Variants in TMEM232 observed in about 807,000 individuals in gnomAD.
TMEM232 encodes transmembrane protein 232.
Under a neutral mutation model 78.8 loss-of-function variants are expected in TMEM232, and 80 were observed. The ratio of observed to expected loss-of-function variants is 1.01; its 90% CI spans 0.85 to 1.22. The LOEUF is 1.22. Ranked by LOEUF, TMEM232 falls within the 50% of genes most tolerant of loss-of-function variation. TMEM232 has a pLI of 0.00. For synonymous variants in TMEM232, 297 were observed against 254.3 expected (o/e 1.17, Z -1.60); for missense variants, 881 against 742.2 (o/e 1.19, Z -2.17).
At position 110,596,044 on chromosome 5, in the gene TMEM232, C is replaced by T. The variant is rs530477508; in HGVS notation, c.1276+9065G>A. Among the ~76,000 whole-genome samples, 73 of 152,186 alleles carry T rather than the reference C, an allele frequency of 4.8e-4. 1 individual carries two copies. Among genetic ancestry groups the T allele is most frequent in the African/African-American group, 1.5e-3 (63 of 41,518 alleles). ...CCAGAGAGAAAGATCAGGTTACCTA[C>T]GAAGGGAAGCCCATCAGACTAACGG... On this transcript the variant is annotated intron_variant, in intron 10 of 13. Transcript: ENST00000455884.
intron 3 of TMEM232, chr5:110,390,697 G>T (rs1755142218): frequency 6.6e-6 from 1 of 152,286 alleles, no homozygotes; most frequent in East Asian, 1.9e-4. Flanking sequence ...ACCTGCTTTT[G>T]TATAACATGA....
chr5:110,487,393 TCA>T (rs1178277964), intron 12 of TMEM232, among the ~76,000 whole-genome samples: 2 of 152,160 alleles, frequency 1.3e-5, no homozygotes, highest in African/African-American at 4.8e-5. Flanking sequence ...GTTCCAGTTC[TCA>T]GAGGGAATGC....
At chr5:110,615,212 T>C (rs1186515211) in intron 8 of TMEM232, among the ~76,000 whole-genome samples, 2 of 151,924 alleles carry the variant, frequency 1.3e-5, no homozygotes, top group Non-Finnish European at 2.9e-5. Flanking sequence ...CTTTTGTTCA[T>C]AAAGAATGTT....
Position 110,719,750 on chromosome 5 carries a change from G to A in TMEM232, c.-13+6877C>T, listed in dbSNP as rs78095234. Among the ~76,000 whole-genome samples, 1,086 of 152,096 alleles carry A rather than the reference G, an allele frequency of 7.1e-3. 12 individuals carry two copies. Among genetic ancestry groups the A allele is most frequent in the African/African-American group, 0.024 (1,010 of 41,508 alleles). ...GGGTACAGCCTTGGGCATTCACACC[G>A]TCACCCTGGGATGACAGTGAATTTG... On this transcript the variant is annotated intron_variant, in intron 1 of 13. Coordinates refer to ENST00000455884, the MANE Select transcript of TMEM232 (RefSeq NM_001039763.4).
At chr5:110,572,876 A>C (rs1439858329) in intron 10 of TMEM232, among the ~76,000 whole-genome samples, 2 of 152,094 alleles carry the variant, frequency 1.3e-5, no homozygotes, top group Admixed American at 1.3e-4. Context: ...ACCACATTCT[A>C]ATTTGCACAT....
chr5:110,548,746 C>T (rs1774090678), intron 11 of TMEM232, among the ~76,000 whole-genome samples: 1 of 152,016 alleles, frequency 6.6e-6, no homozygotes, highest in Admixed American at 6.6e-5. Flanking sequence ...AATACCACTT[C>T]TCCTTAGAGA....
intron 3 of TMEM232, among the ~76,000 whole-genome samples, chr5:110,395,870 G>A (rs1325237149): frequency 6.6e-6 from 1 of 152,054 alleles, no homozygotes; most frequent in Non-Finnish European, 1.5e-5. Context: ...TCATTGTCCT[G>A]CTGACTCAAA....
intron 2 of TMEM232, among the ~76,000 whole-genome samples, chr5:110,412,886 A>C (rs1194775343): frequency 1.3e-5 from 2 of 152,210 alleles, no homozygotes; most frequent in Non-Finnish European, 2.9e-5. Flanking sequence ...TTTTTAAAAA[A>C]GTTTTAAAAC....
intron 10 of TMEM232, among the ~76,000 whole-genome samples, chr5:110,575,047 C>T (rs984805117): frequency 2.0e-5 from 3 of 151,756 alleles, no homozygotes; most frequent in Non-Finnish European, 2.9e-5. Context: ...GAGGAGACAA[C>T]AATAGAGATA....
chr5:110,616,867 T>G (rs956091530), intron 8 of TMEM232, among the ~76,000 whole-genome samples: 2 of 152,154 alleles, frequency 1.3e-5, no homozygotes, highest in East Asian at 1.9e-4. Flanking sequence ...AATAACAGTA[T>G]GGAGATTCCT....
chr5:110,620,081 G>A (rs1434352153), intron 7 of TMEM232, among the ~76,000 whole-genome samples: 3 of 152,012 alleles, frequency 2.0e-5, no homozygotes, highest in Non-Finnish European at 1.5e-5. Flanking sequence ...CATCATCAGA[G>A]AAAATTCAGA....
chr5:110,410,920 A>T (rs1755972549), intron 2 of TMEM232, among the ~76,000 whole-genome samples: 1 of 152,050 alleles, frequency 6.6e-6, no homozygotes, highest in African/African-American at 2.4e-5. Flanking sequence ...CTCTAAGATG[A>T]TGTGTGTAGG....
At chr5:110,483,432 T>C (rs1457118247) in intron 12 of TMEM232, among the ~76,000 whole-genome samples, 1 of 152,126 alleles carries the variant, frequency 6.6e-6, no homozygotes, top group East Asian at 1.9e-4. Context: ...GGTGGGAATG[T>C]AAATATGTTC....
chr5:110,681,045 A>T (rs1373556051), intron 1 of TMEM232, among the ~76,000 whole-genome samples: 2 of 152,162 alleles, frequency 1.3e-5, no homozygotes, highest in African/African-American at 4.8e-5. Flanking sequence ...CTCCAACACC[A>T]GGATTCTGCC....
chr5:110,651,689 G>GT (rs1348087537), intron 2 of TMEM232, among the ~76,000 whole-genome samples: 1 of 152,082 alleles, frequency 6.6e-6, no homozygotes, highest in African/African-American at 2.4e-5. Flanking sequence ...GAACAAGGGG[G>GT]TGAGAGCAGA....
At chr5:110,655,546 C>T (rs1788919820) in intron 2 of TMEM232, among the ~76,000 whole-genome samples, 1 of 142,316 alleles carries the variant, frequency 7.0e-6, no homozygotes, top group Admixed American at 7.1e-5. Flanking sequence ...CCCAGCCATC[C>T]CATTACTGGG....
In TMEM232 at chr5:110,590,924, A is replaced by T. The variant is rs373404399; in HGVS notation, c.1276+14185T>A. Reference sequence around the variant, plus strand: ...ATCTCGTGAGAACTCACTCACTATCACGAGAACAGCATGAGGGAAACCGTC... The same window carrying T: ...ATCTCGTGAGAACTCACTCACTATCTCGAGAACAGCATGAGGGAAACCGTC... On this transcript the variant is annotated intron_variant, in intron 10 of 13. Coordinates refer to ENST00000455884, the MANE Select transcript of TMEM232 (RefSeq NM_001039763.4). 2.0e-5 allele frequency among the ~76,000 whole-genome samples: 3 copies of T among 152,252 alleles called. No homozygotes were observed. The East Asian group carries it at 5.8e-4, about 30-fold the overall frequency.
At chr5:110,602,233 T>C (rs1400439166) in intron 10 of TMEM232, among the ~76,000 whole-genome samples, 1 of 152,108 alleles carries the variant, frequency 6.6e-6, no homozygotes, top group African/African-American at 2.4e-5. Flanking sequence ...GACACAGGCA[T>C]GGGCAAAGAC....
intron 1 of TMEM232, among the ~76,000 whole-genome samples, chr5:110,669,386 T>C (rs963207023): frequency 4.7e-4 from 71 of 151,930 alleles, no homozygotes; most frequent in African/African-American, 1.6e-3. Context: ...CTAGAAGAAA[T>C]AGATAAATTC....
Sources: gnomAD v4.1 joint callset for allele counts (sites outside exome capture counted in the v4.1 genomes callset) on GRCh38, gnomAD v4.1.1 for gene constraint, MANE v1.5 for transcripts, NCBI Gene and HGNC (gene_info 2026-07-23, HGNC 2026-07-21) for gene names.